OPRM1: variants seen among roughly 807,000 people sequenced by gnomAD.
The protein encoded by OPRM1 is mu-type opioid receptor.
In OPRM1, 27 loss-of-function variants were observed where a neutral mutation model predicts 31.8. The ratio of observed to expected loss-of-function variants is 0.85; its 90% confidence interval spans 0.63 to 1.17. The LOEUF (loss-of-function observed/expected upper bound fraction) is 1.17. Ranked by LOEUF, OPRM1 falls within the 50% of genes most tolerant of loss-of-function variation. The pLI is 0.00. For missense variants in OPRM1, 536 were observed against 511.1 expected (o/e 1.05, Z -0.47); for synonymous variants, 196 against 189.9 (o/e 1.03, Z -0.26).
intron 3 of OPRM1, among the ~76,000 whole-genome samples, chr6:154,193,942 A>G (rs1413494690): frequency 1.4e-5 from 2 of 142,320 alleles, no homozygotes; most frequent in Admixed American, 1.4e-4. Flanking sequence ...AGGGATGTCC[A>G]ACATAACAGA....
downstream of OPRM1, among the ~76,000 whole-genome samples, chr6:154,133,761 T>C (rs910970628): frequency 6.6e-6 from 1 of 152,252 alleles, no homozygotes; most frequent in Non-Finnish European, 1.5e-5. Flanking sequence ...CTGTTTTAGA[T>C]ACTGTGCGTT....
intron 1 of OPRM1, among the ~76,000 whole-genome samples, chr6:154,063,783 T>G (rs1784840579): frequency 6.6e-6 from 1 of 152,078 alleles, no homozygotes; most frequent in Non-Finnish European, 1.5e-5. Flanking sequence ...TTATTTCATT[T>G]GGCATAATGT....
intron 3 of OPRM1, among the ~76,000 whole-genome samples, chr6:154,139,059 A>G (rs976382510): frequency 6.6e-5 from 10 of 152,154 alleles, no homozygotes; most frequent in African/African-American, 2.4e-4. Flanking sequence ...ACTCCCACCA[A>G]ACTGTCTTTA....
In OPRM1 at chr6:154,163,831, T is replaced by C. The variant is rs76498829; in HGVS notation, c.1164+72359T>C. ...ATTCATAGATCAATAGCTGGATAGA[T>C]AGATATTAATAGATAGATAGATAGA... On this transcript the variant is annotated intron_variant, in intron 3 of 3. Coordinates refer to the OPRM1 transcript ENST00000337049. 2.0e-3 allele frequency among the ~76,000 whole-genome samples: 307 copies of C among 152,256 alleles called. 1 individual carries two copies. Among genetic ancestry groups the C allele is most frequent in the African/African-American group, 6.9e-3 (287 of 41,554 alleles).
At chr6:154,246,810 G>T in exon 4 of OPRM1, 1 of 1,585,148 alleles carries the variant, frequency 6.3e-7, no homozygotes, top group East Asian at 2.3e-5. Context: ...TGATTTGGTA[G>T]GTAAAGTATT....
rs566287366 is a variant in OPRM1, at chr6:154,042,403, T to C, written c.290+2569T>C. On this transcript the variant is annotated intron_variant, in intron 1 of 3. Coordinates refer to ENST00000330432, the MANE Select transcript of OPRM1 (RefSeq NM_000914.5). ...ATCTATTAAGTATTGAGGAGAAATG[T>C]TCACTTCCTTCCCTATTTAAAATTC... Among the ~76,000 whole-genome samples, 25 of 152,328 alleles carry C rather than the reference T, an allele frequency of 1.6e-4. 1 individual carries two copies. The highest frequency in any genetic ancestry group is 1.2e-3 in the Admixed American group (19 of 15,300).
chr6:154,195,369 G>C (rs775895930), intron 3 of OPRM1, among the ~76,000 whole-genome samples: 48 of 151,942 alleles, frequency 3.2e-4, no homozygotes, highest in Non-Finnish European at 6.3e-4. Flanking sequence ...GGATGGTCTC[G>C]ATCTCCTGAC....
intron 3 of OPRM1, among the ~76,000 whole-genome samples, chr6:154,095,868 C>T (rs538286294): frequency 1.4e-4 from 22 of 152,040 alleles, no homozygotes; most frequent in Non-Finnish European, 2.2e-4. Flanking sequence ...TCTCCACACA[C>T]GCCCTACACT....
chr6:154,069,108 CT>C (rs1393676644), intron 1 of OPRM1, among the ~76,000 whole-genome samples: 1 of 152,142 alleles, frequency 6.6e-6, no homozygotes, highest in Non-Finnish European at 1.5e-5. Flanking sequence ...ATATCAGCCC[CT>C]TATCAGCTGT....
At position 154,089,966 on chromosome 6, in the gene OPRM1, T is replaced by C. The variant is rs200844267; in HGVS notation, c.431T>C (p.Ile144Thr). ...TWPFGTILCK[I>T]VISIDYYNMF... is the part of the protein sequence containing the mutation. ...CCATTTGGAACCATCCTTTGCAAGATAGTGATCTCCATAGATTACTATAAC... is the reference window on the plus strand; with the variant it reads ...CCATTTGGAACCATCCTTTGCAAGACAGTGATCTCCATAGATTACTATAAC... The change falls in exon 2 of 4, where the codon ATA becomes ACA. Residue 144 changes from isoleucine to threonine, a missense_variant. Physicochemically the swap from Ile to Thr is moderately conservative, Grantham distance 89. Coordinates refer to ENST00000330432, the MANE Select transcript of OPRM1 (RefSeq NM_000914.5). The C allele has an allele frequency of 1.4e-5, 22 of 1,613,986 alleles. No individual in the cohort carries two copies. The African/African-American group carries it at 1.9e-4, about 14-fold the overall frequency.
intron 1 of OPRM1, among the ~76,000 whole-genome samples, chr6:154,016,330 A>T (rs1220802307): frequency 6.6e-6 from 1 of 152,218 alleles, no homozygotes; most frequent in Non-Finnish European, 1.5e-5. Context: ...AAACTATATT[A>T]AAGTAGCAGG....
At chr6:154,164,736 A>G (rs1799292494) in intron 3 of OPRM1, among the ~76,000 whole-genome samples, 1 of 152,362 alleles carries the variant, frequency 6.6e-6, no homozygotes, top group South Asian at 2.1e-4. Flanking sequence ...CTTGTGACAT[A>G]GGTCAGAGTA....
chr6:154,094,238 G>T (rs922195487), intron 3 of OPRM1: 2 of 1,287,076 alleles, frequency 1.6e-6, no homozygotes, highest in African/African-American at 3.0e-5. Flanking sequence ...AACCTTCCCA[G>T]GGTGTCTGTA....
intron 3 of OPRM1, chr6:154,167,887 A>G (rs754227450): frequency 2.6e-6 from 4 of 1,511,220 alleles, no homozygotes; most frequent in Middle Eastern, 1.7e-4. Context: ...CCCCACATCC[A>G]TAGAGTTCAT....
chr6:154,195,656 C>G (rs1776556154), intron 3 of OPRM1, among the ~76,000 whole-genome samples: 2 of 152,136 alleles, frequency 1.3e-5, no homozygotes, highest in Admixed American at 1.3e-4. Context: ...TCTTTTAAAC[C>G]TCTCTCTGGA....
chr6:154,214,299 A>G, intron 3 of OPRM1: 1 of 1,567,428 alleles, frequency 6.4e-7, no homozygotes, highest in Non-Finnish European at 8.8e-7. Context: ...TAGAAAGCAA[A>G]TGTTGACCAA....
chr6:154,048,593 A>C (rs1014193467), intron 1 of OPRM1, among the ~76,000 whole-genome samples: 3 of 152,234 alleles, frequency 2.0e-5, no homozygotes, highest in Non-Finnish European at 2.9e-5. Flanking sequence ...AATATCTTCA[A>C]AATACTGTAC....
intron 3 of OPRM1, among the ~76,000 whole-genome samples, chr6:154,206,605 G>GA (rs35147492): frequency 6.6e-6 from 1 of 151,918 alleles, no homozygotes; most frequent in South Asian, 2.1e-4. Flanking sequence ...ATAACAACAT[G>GA]AAAAAAATCA....
Position 154,199,899 on chromosome 6 carries a change from T to C in OPRM1, c.1165-46794T>C, listed in dbSNP as rs200521250. ...TCATCTTCAGCAGCAGACAAACTGT[T>C]AACTGTGTCAGGCAAGGATTGTCTC... On this transcript the variant is annotated intron_variant, in intron 3 of 3. Transcript: ENST00000337049. 9 of 1,614,180 alleles carry C rather than the reference T, an allele frequency of 5.6e-6. No homozygotes were observed. The African/African-American group carries it at 1.1e-4, about 19-fold the overall frequency.
Sources: allele counts gnomAD v4.1 joint callset (sites outside exome capture counted in the v4.1 genomes callset), GRCh38; gene constraint gnomAD v4.1.1; transcripts MANE v1.5; gene names NCBI Gene and HGNC (gene_info 2026-07-23, HGNC 2026-07-21).